NPIPB2: variants seen among roughly 807,000 people sequenced by gnomAD.
The protein encoded by NPIPB2 is nuclear pore complex-interacting protein family member B2.
Under a neutral mutation model 30.8 loss-of-function variants are expected in NPIPB2, and 27 were observed. That is an observed-to-expected ratio of 0.88 (90% CI 0.65 to 1.21). The LOEUF is 1.21. NPIPB2 is among the 50% of genes most tolerant of loss of function. The pLI, the probability that NPIPB2 is intolerant of heterozygous loss-of-function variation, is 0.00. For missense variants in NPIPB2, 440 were observed against 446.2 expected, an observed-to-expected ratio of 0.99 and a Z score of 0.13; for synonymous variants, 147 against 162.0, an observed-to-expected ratio of 0.91 and a Z score of 0.70.
At chr16:11,976,630 C>G (rs939998075) in exon 1 of NPIPB2, 6 of 388,718 alleles carry the variant, frequency 1.5e-5, no homozygotes, top group Admixed American at 1.4e-4. Context: ...CGACTTGGAT[C>G]TGCGCCGCGG....
At chr16:11,965,306 T>G in intron 1 of NPIPB2, 1 of 1,614,022 alleles carries the variant, frequency 6.2e-7, no homozygotes, top group African/African-American at 1.3e-5. Flanking sequence ...TGTAGCTCCC[T>G]TGTTTTCTTT....
intron 7 of NPIPB2, 117 bp from the exon 8 acceptor site, chr16:11,927,996 C>T: frequency 1.3e-6 from 1 of 748,588 alleles, no homozygotes; most frequent in Non-Finnish European, 2.0e-6. Context: ...CCTTTCCATC[C>T]TCCAGGTTTC....
chr16:11,956,761 G>T (rs2055116054), intron 1 of NPIPB2, among the ~76,000 whole-genome samples: 1 of 152,194 alleles, frequency 6.6e-6, no homozygotes, highest in African/African-American at 2.4e-5. Context: ...TGCTGGCATT[G>T]GAACCAGGCT....
At chr16:11,960,057 G>A (rs922643415) in intron 1 of NPIPB2, among the ~76,000 whole-genome samples, 1 of 152,174 alleles carries the variant, frequency 6.6e-6, no homozygotes, top group African/African-American at 2.4e-5. Context: ...TTACAGGTGT[G>A]AGCCACCGTG....
chr16:11,961,358 C>T (rs1476118547), intron 1 of NPIPB2, among the ~76,000 whole-genome samples: 5 of 151,976 alleles, frequency 3.3e-5, no homozygotes, highest in African/African-American at 1.2e-4. Context: ...AGGAATTTGA[C>T]GTTTTGATCA....
exon 1 of NPIPB2, chr16:11,942,044 A>G (rs2054949569): frequency 2.2e-6 from 3 of 1,373,234 alleles, no homozygotes; most frequent in East Asian, 2.5e-5. Flanking sequence ...GCAACAAAAC[A>G]TCAGCAGGAT....
chr16:11,969,754 T>C (rs960039666), intron 1 of NPIPB2, among the ~76,000 whole-genome samples: 2 of 152,158 alleles, frequency 1.3e-5, no homozygotes, highest in South Asian at 2.1e-4. Flanking sequence ...GTGCACGACA[T>C]ACTGTTTTCA....
At chr16:11,948,307 A>G (rs1261181003) in intron 1 of NPIPB2, among the ~76,000 whole-genome samples, 1 of 152,096 alleles carries the variant, frequency 6.6e-6, no homozygotes, top group Non-Finnish European at 1.5e-5. Context: ...TCAAGCACCA[A>G]TGGCTGCCGA....
chr16:11,937,231 G>C (rs1266564287), intron 2 of NPIPB2, among the ~76,000 whole-genome samples: 1 of 152,160 alleles, frequency 6.6e-6, no homozygotes, highest in African/African-American at 2.4e-5. Context: ...AAGCAGAAGA[G>C]TTTAGAAAGA....
At chr16:11,942,979 A>G (rs1033817848), upstream of NPIPB2, among the ~76,000 whole-genome samples, 154 of 152,082 alleles carry the variant, frequency 1.0e-3, no homozygotes, top group Non-Finnish European at 4.7e-4. Context: ...TGGAAAGCCA[A>G]TGCCTTTACC....
chr16:11,933,992 G>A, intron 2 of NPIPB2, 68 bp from the exon 3 acceptor site: 6 of 1,293,532 alleles, frequency 4.6e-6, no homozygotes, highest in Non-Finnish European at 5.5e-6. Flanking sequence ...CAGTACTTTG[G>A]GAGGCCGAGG....
chr16:11,948,271 C>T (rs1175811826), intron 1 of NPIPB2, among the ~76,000 whole-genome samples: 1 of 151,982 alleles, frequency 6.6e-6, no homozygotes, highest in African/African-American at 2.4e-5. Flanking sequence ...TAAAGAAGCA[C>T]TCCTAATGAA....
chr16:11,951,712 G>T (rs2055067387), intron 1 of NPIPB2, among the ~76,000 whole-genome samples: 1 of 150,682 alleles, frequency 6.6e-6, no homozygotes, highest in Non-Finnish European at 1.5e-5. Context: ...AAGGGAAAAG[G>T]TTTTTTATGG....
chr16:11,939,068 T>A (rs1231091176), intron 1 of NPIPB2, among the ~76,000 whole-genome samples: 1 of 152,110 alleles, frequency 6.6e-6, no homozygotes, highest in Non-Finnish European at 1.5e-5. Flanking sequence ...TTCTTTAAAG[T>A]TATTTACTTG....
intron 2 of NPIPB2, among the ~76,000 whole-genome samples, chr16:11,936,753 C>A (rs573951429): frequency 4.1e-5 from 6 of 145,108 alleles, no homozygotes; most frequent in African/African-American, 1.2e-4. Context: ...TGGGAACATG[C>A]ACTTTGAATG....
intron 2 of NPIPB2, among the ~76,000 whole-genome samples, chr16:11,934,553 CAA>C (rs1184843851): frequency 0.086 from 6,247 of 73,034 alleles, 143 homozygotes; most frequent in Non-Finnish European, 0.11. Context: ...AACTCTGTCT[CAA>C]AAAAAAAAAA....
At chr16:11,967,890 G>A (rs2055208715) in intron 1 of NPIPB2, 1 of 1,593,094 alleles carries the variant, frequency 6.3e-7, no homozygotes, top group African/African-American at 1.3e-5. Flanking sequence ...AAAATCTTTT[G>A]TCAGAATAGA....
intron 1 of NPIPB2, among the ~76,000 whole-genome samples, chr16:11,962,050 A>C (rs1373781710): frequency 6.6e-6 from 1 of 151,826 alleles, no homozygotes; most frequent in Non-Finnish European, 1.5e-5. Flanking sequence ...AAATACAAAA[A>C]TTAGCTGGGC....
chr16:11,951,553 C>T (rs867945150), intron 1 of NPIPB2, among the ~76,000 whole-genome samples: 4 of 149,158 alleles, frequency 2.7e-5, no homozygotes, highest in Middle Eastern at 6.8e-3. Flanking sequence ...CTTTATACAT[C>T]CTTCTCCTCA....
Sources: allele counts gnomAD v4.1 joint callset (sites outside exome capture counted in the v4.1 genomes callset), GRCh38; gene constraint gnomAD v4.1.1; transcripts MANE v1.5; gene names NCBI Gene and HGNC (gene_info 2026-07-23, HGNC 2026-07-21).